Variants in DNAJA3 observed in about 807,000 individuals in gnomAD.
DNAJA3 encodes DnaJ heat shock protein family (Hsp40) member A3, also known as dnaJ homolog subfamily A member 3, mitochondrial.
In DNAJA3, 29 loss-of-function variants were observed where a neutral mutation model predicts 54.9. That is an observed-to-expected ratio of 0.53 (90% CI 0.39 to 0.72). The LOEUF (loss-of-function observed/expected upper bound fraction) is 0.72. Ranked by LOEUF, DNAJA3 falls within the 30% of genes least tolerant of loss-of-function variation. The pLI is 0.00. For missense variants in DNAJA3, 708 were observed against 639.4 expected (o/e 1.11, Z -1.16); for synonymous variants, 302 against 251.4 (o/e 1.20, Z -1.90).
In DNAJA3 at chr16:4,455,699, C is replaced by A; in HGVS notation, c.*167C>A. 1.9e-6 allele frequency: 2 copies of A among 1,035,502 alleles called. No individual in the cohort carries two copies. The highest frequency in any genetic ancestry group is 2.9e-6 in the Non-Finnish European group (2 of 689,944). 64.1% of individuals were successfully genotyped at this position (1,035,502 alleles called of 1,614,324 possible). On this transcript the variant is annotated 3_prime_UTR_variant, in exon 12 of 12. Coordinates refer to ENST00000262375, the MANE Select transcript of DNAJA3 (RefSeq NM_005147.6). Reference sequence around the variant, plus strand: ...CAACAGCAAAATCATGGGACAACACCTCTCTCCACGGAAAGGTCACAGTGG... The same window carrying A: ...CAACAGCAAAATCATGGGACAACACATCTCTCCACGGAAAGGTCACAGTGG...
At chr16:4,443,265 A>G (rs2056859919) in intron 6 of DNAJA3, 101 bp downstream of exon 6, 11 of 1,432,316 alleles carry the variant, frequency 7.7e-6, no homozygotes, top group South Asian at 1.4e-5. Flanking sequence ...AGGCCACTGC[A>G]CTGAGTGTGA....
In DNAJA3 at chr16:4,455,720, A is replaced by T; in HGVS notation, c.*188A>T. ...ACACCTCTCTCCACGGAAAGGTCAC[A>T]GTGGACAGCCCGGGCAGTAGGATGC... On this transcript the variant is annotated 3_prime_UTR_variant, in exon 12 of 12. Transcript: ENST00000262375. 1.2e-6 allele frequency: 1 copy of T among 864,196 alleles called. No homozygotes were observed. The highest frequency in any genetic ancestry group is 1.8e-6 in the Non-Finnish European group (1 of 544,892). 53.5% of individuals were successfully genotyped at this position (864,196 alleles called of 1,614,324 possible). A position where few individuals can be genotyped will look rare whatever the true frequency, so the allele number is the denominator to read the frequency against.
chr16:4,435,836 T>C (rs2056766591), intron 2 of DNAJA3, among the ~76,000 whole-genome samples: 1 of 152,224 alleles, frequency 6.6e-6, no homozygotes, highest in South Asian at 2.1e-4. Context: ...CTCTTGGATA[T>C]TTAGGAGTAT....
At chr16:4,445,068 T>G (rs2056887157) in intron 7 of DNAJA3, among the ~76,000 whole-genome samples, 1 of 152,334 alleles carries the variant, frequency 6.6e-6, no homozygotes, top group African/African-American at 2.4e-5. Context: ...GGGGCAAACC[T>G]TGGTTTTCTG....
intron 9 of DNAJA3, chr16:4,449,993 T>G (rs2056956865): frequency 6.4e-6 from 1 of 156,896 alleles, no homozygotes; most frequent in African/African-American, 2.4e-5. Context: ...TTTCACCTTG[T>G]TGGCCAGGAT....
intron 1 of DNAJA3, 143 bp downstream of exon 1, chr16:4,426,235 C>A (rs1291101813): frequency 4.0e-6 from 4 of 1,003,374 alleles, no homozygotes; most frequent in African/African-American, 1.7e-5. Context: ...CACAGACAGG[C>A]AGGAGGCGGG....
chr16:4,451,375 CCAGGGGCAGGGG>C (rs972558964), intron 10 of DNAJA3, among the ~76,000 whole-genome samples: 2 of 151,996 alleles, frequency 1.3e-5, no homozygotes, highest in African/African-American at 4.8e-5. Flanking sequence ...ATTTGGAGCT[CCAGGGGCAGGGG>C]CAGGGGCTGG....
chr16:4,449,345 T>C (rs558644784), intron 9 of DNAJA3, among the ~76,000 whole-genome samples: 43 of 152,126 alleles, frequency 2.8e-4, no homozygotes, highest in African/African-American at 9.6e-4. Flanking sequence ...GAACAACACA[T>C]AGGAATTGCT....
At chr16:4,443,879 G>T (rs1256027086) in intron 6 of DNAJA3, among the ~76,000 whole-genome samples, 1 of 152,068 alleles carries the variant, frequency 6.6e-6, no homozygotes, top group African/African-American at 2.4e-5. Context: ...GTAGAGACGG[G>T]GTTTCATCGT....
At chr16:4,440,529 T>C (rs2056825495) in intron 3 of DNAJA3, 2 of 150,502 alleles carry the variant, frequency 1.3e-5, no homozygotes, top group East Asian at 3.9e-4. Flanking sequence ...AGGCAGAGGT[T>C]GCAGTGAGCC....
In DNAJA3 at chr16:4,441,530, C is replaced by T. The variant is rs780649023; in HGVS notation, c.585C>T (p.Ser195=). The part of the protein sequence containing the change: ...LFRKIFGEFS[S]SSFGDFQTVF... Reference sequence around the variant, plus strand: ...GGAAGATCTTTGGCGAGTTCTCATCCTCTTCATTTGGAGATTTCCAGACCG... The same window carrying T: ...GGAAGATCTTTGGCGAGTTCTCATCTTCTTCATTTGGAGATTTCCAGACCG... The change falls in exon 4 of 12, where the codon TCC becomes TCT. Residue 195 remains serine (S), a synonymous_variant. Coordinates refer to ENST00000262375, the MANE Select transcript of DNAJA3 (RefSeq NM_005147.6). The T allele has an allele frequency of 6.2e-7, 1 of 1,614,194 alleles. No homozygotes were observed. Among genetic ancestry groups the T allele is most frequent in the Non-Finnish European group, 8.5e-7 (1 of 1,180,046 alleles).
intron 1 of DNAJA3, among the ~76,000 whole-genome samples, chr16:4,432,685 T>TC (rs2056719692): frequency 6.6e-6 from 1 of 151,786 alleles, no homozygotes; most frequent in South Asian, 2.1e-4. Flanking sequence ...TTAAAACACC[T>TC]CCAGTCTGGG....
chr16:4,444,816 T>C, intron 7 of DNAJA3, 88 bp downstream of exon 7: 1 of 1,206,554 alleles, frequency 8.3e-7, no homozygotes, highest in Non-Finnish European at 1.2e-6. Flanking sequence ...AATCAAAGCT[T>C]CACAGGAACA....
intron 3 of DNAJA3, 79 bp from the exon 4 acceptor site, chr16:4,441,296 T>C: frequency 7.4e-7 from 1 of 1,349,158 alleles, no homozygotes; most frequent in Admixed American, 2.1e-5. Context: ...TATGGCTGCC[T>C]TATTTGCTGT....
chr16:4,455,619 G>A lies in DNAJA3; in HGVS notation c.*87G>A, dbSNP rs2057027497. The A allele has an allele frequency of 6.5e-7, 1 of 1,549,246 alleles. No homozygotes were observed. Among genetic ancestry groups the A allele is most frequent in the Admixed American group, 2.0e-5 (1 of 50,970 alleles). On this transcript the variant is annotated 3_prime_UTR_variant, in exon 12 of 12. Coordinates refer to ENST00000262375, the MANE Select transcript of DNAJA3 (RefSeq NM_005147.6). ...GGCCAGGGCACCTGGGAGACGGGAG[G>A]ATTCCAGAACAGCAGCACTGAGCTC...
Position 4,455,601 on chromosome 16 carries a change from G to T in DNAJA3, c.*69G>T. On this transcript the variant is annotated 3_prime_UTR_variant, in exon 12 of 12. Coordinates refer to ENST00000262375, the MANE Select transcript of DNAJA3 (RefSeq NM_005147.6). Reference sequence around the variant, plus strand: ...AGCAGCAGCCCCTCCAAGGGCCAGGGCACCTGGGAGACGGGAGGATTCCAG... The same window carrying T: ...AGCAGCAGCCCCTCCAAGGGCCAGGTCACCTGGGAGACGGGAGGATTCCAG... 6.4e-7 allele frequency: 1 copy of T among 1,551,580 alleles called. No homozygotes were observed. Among genetic ancestry groups the T allele is most frequent in the Non-Finnish European group, 8.7e-7 (1 of 1,146,852 alleles).
At chr16:4,451,896 TA>T (rs368431722) in intron 10 of DNAJA3, among the ~76,000 whole-genome samples, 82,076 of 138,794 alleles carry the variant, frequency 0.59, 24,730 homozygotes, top group Non-Finnish European at 0.69. Context: ...CTGTCTCTAC[TA>T]AAAAAAAAAA....
Position 4,448,795 on chromosome 16 carries a change from T to G in DNAJA3, c.1188T>G (p.Ile396Met). 6.2e-7 allele frequency: 1 copy of G among 1,614,132 alleles called. No homozygotes were observed. Among genetic ancestry groups the G allele is most frequent in the Non-Finnish European group, 8.5e-7 (1 of 1,180,010 alleles). ...IRMGGKGIPR[I>M]NSYGYGDHYI... The stretch of plus-strand genomic sequence containing the variant: ...TGGGTGGGAAAGGCATCCCCCGGAT[T>G]AACAGCTACGGCTACGGAGACCACT... Residue 396 changes from isoleucine (I) to methionine (M), a missense_variant, in exon 9 of 12, where the codon ATT becomes ATG. By Grantham distance (10) the Ile-to-Met change is conservative. Coordinates refer to ENST00000262375, the MANE Select transcript of DNAJA3 (RefSeq NM_005147.6).
At position 4,446,990 on chromosome 16, in the gene DNAJA3, C is replaced by T. The variant is rs748967316; in HGVS notation, c.1101C>T (p.Gly367=). ...ALLGGTARAQ[G]LYETINVTIP... ...TTGGGGGTACAGCCAGAGCCCAGGG[C>T]CTGTACGAGACGATCAACGTGACGG... The change falls in exon 8 of 12, where the codon GGC becomes GGT. Residue 367 remains glycine, a synonymous_variant. Transcript: ENST00000262375. 1.2e-6 allele frequency: 2 copies of T among 1,613,992 alleles called. No homozygotes were observed. Among genetic ancestry groups the T allele is most frequent in the Non-Finnish European group, 1.7e-6 (2 of 1,180,022 alleles).
Sources: allele counts gnomAD v4.1 joint callset (sites outside exome capture counted in the v4.1 genomes callset), GRCh38; gene constraint gnomAD v4.1.1; transcripts MANE v1.5; gene names NCBI Gene and HGNC (gene_info 2026-07-23, HGNC 2026-07-21).